NSUN6: variants seen among roughly 807,000 people sequenced by gnomAD.
NSUN6 encodes the protein NOP2/Sun RNA methyltransferase 6.
Under a neutral mutation model 58.0 loss-of-function variants are expected in NSUN6, and 64 were observed. That is an observed-to-expected ratio of 1.10 (90% CI 0.90 to 1.36). The LOEUF (loss-of-function observed/expected upper bound fraction) is 1.36, where lower values mean the gene tolerates loss of function less well. Among genes scored for constraint, NSUN6 ranks in the 40% most tolerant of loss-of-function variants. NSUN6 has a pLI of 0.00. For synonymous variants in NSUN6, 231 were observed against 193.9 expected, an observed-to-expected ratio of 1.19 and a Z score of -1.59; for missense variants, 701 against 550.1, an observed-to-expected ratio of 1.27 and a Z score of -2.74.
upstream of NSUN6, among the ~76,000 whole-genome samples, chr10:18,658,873 A>C (rs1257725855): frequency 6.6e-6 from 1 of 152,204 alleles, no homozygotes; most frequent in Non-Finnish European, 1.5e-5. Flanking sequence ...TAAATGCATA[A>C]GCCAATGAAT....
chr10:18,560,851 G>A (rs1203217498), intron 8 of NSUN6, among the ~76,000 whole-genome samples: 2 of 148,462 alleles, frequency 1.3e-5, no homozygotes, highest in Admixed American at 6.8e-5. Flanking sequence ...ATGGAATGGG[G>A]TGCAGTGGTG....
intron 6 of NSUN6, among the ~76,000 whole-genome samples, chr10:18,598,762 G>C (rs1326875727): frequency 6.6e-6 from 1 of 152,164 alleles, no homozygotes; most frequent in Non-Finnish European, 1.5e-5. Flanking sequence ...CAGTATACCT[G>C]GCAGCAAGTT....
At position 18,545,682 on chromosome 10, in the gene NSUN6, G is replaced by C. The variant is rs2054209437; in HGVS notation, c.*251C>G. The C allele has an allele frequency of 2.9e-6, 1 of 344,694 alleles. No homozygotes were observed. Among genetic ancestry groups the C allele is most frequent in the South Asian group, 4.7e-5 (1 of 21,216 alleles). The allele number at this position is 344,694 out of a possible 1,614,324, so 21.4% of individuals were successfully genotyped here. A position where few individuals can be genotyped will look rare whatever the true frequency, so the allele number is the denominator to read the frequency against. ...TGAAAATATGCTCCAGACATCTATAGGCATCTGCTTTTCTTTATACTCTAC... is the reference window on the plus strand; with the variant it reads ...TGAAAATATGCTCCAGACATCTATACGCATCTGCTTTTCTTTATACTCTAC... On this transcript the variant is annotated 3_prime_UTR_variant, in exon 11 of 11. Coordinates refer to ENST00000377304, the MANE Select transcript of NSUN6 (RefSeq NM_182543.5).
chr10:18,577,473 A>G (rs558553224), intron 8 of NSUN6, among the ~76,000 whole-genome samples: 2 of 152,208 alleles, frequency 1.3e-5, no homozygotes, highest in East Asian at 3.9e-4. Context: ...CATATCACGC[A>G]TCCATGGGTT....
chr10:18,567,194 C>G (rs1383159543), intron 8 of NSUN6, among the ~76,000 whole-genome samples: 1 of 148,860 alleles, frequency 6.7e-6, no homozygotes, highest in African/African-American at 2.5e-5. Flanking sequence ...TCCCTTCCAG[C>G]CTATTCATCA....
At chr10:18,579,314 G>A (rs893801686) in intron 8 of NSUN6, among the ~76,000 whole-genome samples, 2 of 152,040 alleles carry the variant, frequency 1.3e-5, no homozygotes, top group African/African-American at 4.8e-5. Flanking sequence ...GGGACTATAG[G>A]CGCCCGCCAC....
At position 18,599,532 on chromosome 10, in the gene NSUN6, A is replaced by G. The variant is rs887056564; in HGVS notation, c.658-3205T>C. Among the ~76,000 whole-genome samples, 35 of 152,156 alleles carry G rather than the reference A, an allele frequency of 2.3e-4. 1 individual carries two copies. The highest frequency in any genetic ancestry group is 6.2e-4 in the South Asian group (3 of 4,830). Reference sequence around the variant, plus strand: ...ATCAAGTCAGAATTTCCAACACTGGAGCATCAGTGGTTTCAAAATCACCCT... The same window carrying G: ...ATCAAGTCAGAATTTCCAACACTGGGGCATCAGTGGTTTCAAAATCACCCT... On this transcript the variant is annotated intron_variant, in intron 6 of 10. Coordinates refer to ENST00000377304, the MANE Select transcript of NSUN6 (RefSeq NM_182543.5).
chr10:18,571,821 T>C (rs2056382967), intron 8 of NSUN6, among the ~76,000 whole-genome samples: 1 of 151,160 alleles, frequency 6.6e-6, no homozygotes, highest in African/African-American at 2.4e-5. Context: ...CTGCATTCCA[T>C]TCTCCATTCT....
intron 8 of NSUN6, among the ~76,000 whole-genome samples, chr10:18,555,904 G>GTA (rs2054973472): frequency 2.9e-5 from 2 of 67,984 alleles, no homozygotes; most frequent in African/African-American, 9.3e-5. Flanking sequence ...AGAATGGAAT[G>GTA]GAGAATGGAA....
intron 3 of NSUN6, 147 bp from the exon 4 acceptor site, chr10:18,616,440 A>G (rs559123383): frequency 7.9e-6 from 4 of 508,750 alleles, no homozygotes; most frequent in Admixed American, 7.3e-5. Flanking sequence ...GCATACATAT[A>G]GAGGAAACAG....
chr10:18,551,056 T>C (rs567739832), intron 9 of NSUN6, among the ~76,000 whole-genome samples: 5 of 152,208 alleles, frequency 3.3e-5, no homozygotes, highest in African/African-American at 1.2e-4. Flanking sequence ...AAAAGAGTAA[T>C]TTATTTTATA....
chr10:18,631,442 G>T (rs11527771), intron 3 of NSUN6, among the ~76,000 whole-genome samples: 55,036 of 113,686 alleles, frequency 0.48, 14,061 homozygotes, highest in East Asian at 0.95. Context: ...GGTATTCAAT[G>T]AGGAAAAGAG....
At chr10:18,573,954 C>T (rs2056523224) in intron 8 of NSUN6, among the ~76,000 whole-genome samples, 2 of 152,092 alleles carry the variant, frequency 1.3e-5, no homozygotes, top group Admixed American at 1.3e-4. Flanking sequence ...CAGGAGAAGC[C>T]TAACCATATC....
At chr10:18,594,501 T>C (rs1294160930) in intron 7 of NSUN6, among the ~76,000 whole-genome samples, 4 of 151,840 alleles carry the variant, frequency 2.6e-5, no homozygotes, top group African/African-American at 9.7e-5. Context: ...CATGCTGGAG[T>C]GCAGTGGCGC....
At chr10:18,636,665 G>A (rs767804514) in intron 3 of NSUN6, among the ~76,000 whole-genome samples, 46 of 152,152 alleles carry the variant, frequency 3.0e-4, no homozygotes, top group Admixed American at 8.5e-4. Context: ...AGGTGGAGGC[G>A]GGCAGATCAC....
At chr10:18,582,083 T>C (rs1261505338) in intron 8 of NSUN6, among the ~76,000 whole-genome samples, 1 of 152,188 alleles carries the variant, frequency 6.6e-6, no homozygotes, top group Non-Finnish European at 1.5e-5. Flanking sequence ...GGAGGTCATA[T>C]ACCAGTTAAA....
At chr10:18,577,451 T>C (rs2131035561) in intron 8 of NSUN6, among the ~76,000 whole-genome samples, 1 of 152,240 alleles carries the variant, frequency 6.6e-6, no homozygotes, top group East Asian at 1.9e-4. Flanking sequence ...TTCTTCTTCT[T>C]GGGTGCTGTG....
intron 8 of NSUN6, among the ~76,000 whole-genome samples, chr10:18,567,519 C>T (rs1243719879): frequency 1.3e-5 from 2 of 148,842 alleles, no homozygotes; most frequent in Non-Finnish European, 3.0e-5. Flanking sequence ...CTATTCACCA[C>T]TGCATCCCAT....
chr10:18,557,411 T>C (rs746984875), intron 8 of NSUN6, among the ~76,000 whole-genome samples: 5 of 146,162 alleles, frequency 3.4e-5, no homozygotes, highest in African/African-American at 5.1e-5. Flanking sequence ...TGGAATGGAA[T>C]GGAGAATGGA....
Sources: gnomAD v4.1 joint callset for allele counts (sites outside exome capture counted in the v4.1 genomes callset) on GRCh38, gnomAD v4.1.1 for gene constraint, MANE v1.5 for transcripts, NCBI Gene and HGNC (gene_info 2026-07-23, HGNC 2026-07-21) for gene names.